MAN1A1: variants seen among roughly 807,000 people sequenced by gnomAD.
The protein encoded by MAN1A1 is mannosyl-oligosaccharide 1,2-alpha-mannosidase IA.
In MAN1A1, 29 loss-of-function variants were observed where a neutral mutation model predicts 70.8. That is an observed-to-expected ratio of 0.41 (90% confidence interval 0.31 to 0.56). The LOEUF (loss-of-function observed/expected upper bound fraction) is 0.56, where lower values mean the gene tolerates loss of function less well. Ranked by LOEUF, MAN1A1 falls within the 20% of genes least tolerant of loss-of-function variation. The pLI is 0.29. For missense variants in MAN1A1, 747 were observed against 841.3 expected (o/e 0.89, Z 1.39); for synonymous variants, 349 against 330.1 (o/e 1.06, Z -0.62).
chr6:119,259,864 C>G (rs887587333), intron 5 of MAN1A1, among the ~76,000 whole-genome samples: 1 of 152,090 alleles, frequency 6.6e-6, no homozygotes, highest in Non-Finnish European at 1.5e-5. Context: ...TTTTCTTAAA[C>G]AATGAATACA....
intron 6 of MAN1A1, among the ~76,000 whole-genome samples, chr6:119,235,145 C>T (rs1475518810): frequency 1.3e-5 from 2 of 152,172 alleles, no homozygotes. Flanking sequence ...ATATTGGAAT[C>T]AGGCCAATTA....
chr6:119,327,466 T>A (rs1014618686), intron 2 of MAN1A1: 1 of 143,896 alleles, frequency 6.9e-6, no homozygotes, highest in Admixed American at 7.3e-5. Flanking sequence ...CTTGGCTCAC[T>A]GCAATCTCCA....
chr6:119,211,904 C>T (rs190516492), intron 6 of MAN1A1, among the ~76,000 whole-genome samples: 6 of 148,022 alleles, frequency 4.1e-5, no homozygotes, highest in South Asian at 2.1e-4. Flanking sequence ...TGCAGTGGTG[C>T]GATCACGGCT....
chr6:119,296,638 A>ATAT (rs1562230760), intron 4 of MAN1A1, among the ~76,000 whole-genome samples: 1 of 152,120 alleles, frequency 6.6e-6, no homozygotes, highest in Non-Finnish European at 1.5e-5. Context: ...CCTGACAGGG[A>ATAT]ACCCTACAAC....
intron 2 of MAN1A1, among the ~76,000 whole-genome samples, chr6:119,325,884 A>G (rs1448259553): frequency 6.6e-6 from 1 of 152,198 alleles, no homozygotes; most frequent in African/African-American, 2.4e-5. Flanking sequence ...AGAAGTTACT[A>G]TACAAAGGAA....
At chr6:119,322,315 T>C (rs1263256318) in intron 2 of MAN1A1, among the ~76,000 whole-genome samples, 1 of 152,182 alleles carries the variant, frequency 6.6e-6, no homozygotes, top group Non-Finnish European at 1.5e-5. Flanking sequence ...TTTTTTCTTC[T>C]CCTAGGCTTG....
upstream of MAN1A1, among the ~76,000 whole-genome samples, chr6:119,350,080 C>G (rs1363889376): frequency 6.6e-6 from 1 of 152,162 alleles, no homozygotes; most frequent in Non-Finnish European, 1.5e-5. Flanking sequence ...CTGCGCTGGC[C>G]TCGGCAGGGG....
intron 6 of MAN1A1, among the ~76,000 whole-genome samples, chr6:119,242,130 G>GACACACACACACACACAC (rs1465970489): frequency 0.067 from 2,386 of 35,706 alleles, 56 homozygotes; most frequent in African/African-American, 0.14. Flanking sequence ...CAGACAGACA[G>GACACACACACACACACAC]ACAGACACAC....
intron 2 of MAN1A1, among the ~76,000 whole-genome samples, chr6:119,342,232 A>G (rs1489646586): frequency 6.6e-6 from 1 of 152,186 alleles, no homozygotes; most frequent in African/African-American, 2.4e-5. Context: ...TTTTTGATGA[A>G]CTGGAAATGT....
intron 5 of MAN1A1, among the ~76,000 whole-genome samples, chr6:119,279,482 C>T (rs1346765882): frequency 6.6e-6 from 1 of 152,196 alleles, no homozygotes; most frequent in African/African-American, 2.4e-5. Context: ...AGGATTGAGG[C>T]TACCATAAAT....
At chr6:119,199,159 C>T (rs6901418) in intron 8 of MAN1A1, among the ~76,000 whole-genome samples, 75,554 of 151,988 alleles carry the variant, frequency 0.5, 19,713 homozygotes, top group Non-Finnish European at 0.58. Flanking sequence ...ATCAATCTAA[C>T]AGGAAAAGTA....
intron 4 of MAN1A1, among the ~76,000 whole-genome samples, chr6:119,296,581 G>A (rs1772222428): frequency 1.3e-5 from 2 of 152,054 alleles, no homozygotes; most frequent in African/African-American, 2.4e-5. Flanking sequence ...ACTCAGTCAT[G>A]CATTTGAGAA....
chr6:119,332,491 CCAAAA>C (rs1773345954), intron 2 of MAN1A1, among the ~76,000 whole-genome samples: 1 of 152,082 alleles, frequency 6.6e-6, no homozygotes, highest in African/African-American at 2.4e-5. Flanking sequence ...TATTCATAAA[CCAAAA>C]ATACTTGGAA....
intron 4 of MAN1A1, among the ~76,000 whole-genome samples, chr6:119,291,096 C>T (rs1262021184): frequency 6.6e-6 from 1 of 151,992 alleles, no homozygotes; most frequent in Admixed American, 6.6e-5. Flanking sequence ...ATAATTCACA[C>T]ATGTTGTGGG....
chr6:119,304,039 T>C (rs1011082392), intron 3 of MAN1A1, among the ~76,000 whole-genome samples: 1 of 152,216 alleles, frequency 6.6e-6, no homozygotes, highest in African/African-American at 2.4e-5. Flanking sequence ...CTACACTTCC[T>C]ATATGTAATT....
intron 6 of MAN1A1, among the ~76,000 whole-genome samples, chr6:119,241,456 A>G (rs1398654197): frequency 6.6e-6 from 1 of 152,162 alleles, no homozygotes; most frequent in Non-Finnish European, 1.5e-5. Context: ...CAGCAGCAGT[A>G]GCTTCCCCAT....
intron 6 of MAN1A1, among the ~76,000 whole-genome samples, chr6:119,212,242 T>C (rs182788170): frequency 6.6e-6 from 1 of 152,042 alleles, no homozygotes; most frequent in African/African-American, 2.4e-5. Flanking sequence ...ACCTTGCCCA[T>C]GAAAGCTACA....
intron 6 of MAN1A1, among the ~76,000 whole-genome samples, chr6:119,238,774 A>G (rs1774923243): frequency 6.6e-6 from 1 of 152,216 alleles, no homozygotes; most frequent in African/African-American, 2.4e-5. Context: ...ATAGCATGAC[A>G]TGACAAAGAG....
rs749958397 is a variant in MAN1A1, at chr6:119,189,832, C to A, written c.1378G>T (p.Ala460Ser). The A allele has an allele frequency of 1.9e-6, 3 of 1,613,894 alleles. No homozygotes were observed. The African/African-American group carries it at 4.0e-5, about 22-fold the overall frequency. ...TCCAGGAGGCCCCCTTTCCACTCTG[C>A]GATATAAGTTAGTCCGCTGCTAGAC... ...RKSSSGLTYI[A>S]EWKGGLLEHK... The change falls in exon 10 of 13, where the codon GCA becomes TCA. Residue 460 changes from alanine (A) to serine (S), a missense_variant. By Grantham distance (99) the Ala-to-Ser change is moderately conservative. This residue lies in a region of MAN1A1 where 419 missense variants were observed against 548.2 expected (regional missense o/e 0.76). Coordinates refer to ENST00000368468, the MANE Select transcript of MAN1A1 (RefSeq NM_005907.4).
Sources: allele counts gnomAD v4.1 joint callset (sites outside exome capture counted in the v4.1 genomes callset), GRCh38; gene constraint gnomAD v4.1.1; regional missense constraint gnomAD v4.1.1; transcripts MANE v1.5; gene names NCBI Gene and HGNC (gene_info 2026-07-23, HGNC 2026-07-21).